Variants in LGI2 observed in about 807,000 individuals in gnomAD.
The protein encoded by LGI2 is leucine-rich repeat LGI family member 2.
Under a neutral mutation model 52.0 loss-of-function variants are expected in LGI2, and 30 were observed. The ratio of observed to expected loss-of-function variants is 0.58; its 90% confidence interval spans 0.43 to 0.78. The LOEUF (loss-of-function observed/expected upper bound fraction) is 0.78, where lower values mean the gene tolerates loss of function less well. Ranked by LOEUF, LGI2 falls within the 30% of genes least tolerant of loss-of-function variation. LGI2 has a pLI of 0.00. For missense variants in LGI2, 573 were observed against 692.5 expected (o/e 0.83, Z 1.94); for synonymous variants, 270 against 271.8 (o/e 0.99, Z 0.06).
intron 4 of LGI2, 145 bp downstream of exon 4, chr4:25,024,675 G>A (rs1461653224): frequency 7.1e-6 from 4 of 562,140 alleles, no homozygotes; most frequent in Non-Finnish European, 1.3e-5. Context: ...ATGAGCCAGT[G>A]TCTGACTGAC....
intron 7 of LGI2, among the ~76,000 whole-genome samples, chr4:25,005,024 A>G (rs540054502): frequency 2.3e-4 from 35 of 152,318 alleles, no homozygotes; most frequent in African/African-American, 8.2e-4. Context: ...AGGCTAAGTG[A>G]AATAGCCAGT....
rs1022952176 is a variant in LGI2 at position 25,017,923 on chromosome 4, C to T, written c.655+66G>A. 8.8e-6 allele frequency: 12 copies of T among 1,363,784 alleles called. No homozygotes were observed. In the African/African-American group the frequency reaches 1.6e-4, roughly 18 times the overall value. The allele number at this position is 1,363,784 out of a possible 1,614,324, so 84.5% of individuals were successfully genotyped here. ...TTCACTTTTCCCCAGTCTCTGTTGA[C>T]AGTGTAAAAGAAAGACAAAGAGATT... On this transcript the variant is annotated intron_variant, in intron 6 of 7. Transcript: ENST00000382114.
At chr4:25,024,447 G>A (rs2109424552) in intron 4 of LGI2, among the ~76,000 whole-genome samples, 1 of 152,306 alleles carries the variant, frequency 6.6e-6, no homozygotes, top group Non-Finnish European at 1.5e-5. Context: ...CCAGGAGGCG[G>A]AGGCTGCAGT....
intron 6 of LGI2, among the ~76,000 whole-genome samples, chr4:25,014,059 A>C (rs1417286821): frequency 6.6e-6 from 1 of 152,210 alleles, no homozygotes; most frequent in African/African-American, 2.4e-5. Flanking sequence ...GCTTTCTTTT[A>C]ATTACAACCA....
chr4:25,014,544 CAGGCAAGAT>C (rs1039986462), intron 6 of LGI2, among the ~76,000 whole-genome samples: 2 of 138,404 alleles, frequency 1.4e-5, no homozygotes, highest in Non-Finnish European at 3.0e-5. Flanking sequence ...AGAACAGGGC[CAGGCAAGAT>C]AGGCAAGATG....
intron 7 of LGI2, among the ~76,000 whole-genome samples, chr4:25,008,086 A>G (rs1042648150): frequency 1.3e-5 from 2 of 152,048 alleles, no homozygotes; most frequent in African/African-American, 4.8e-5. Context: ...TCCTCCCTCC[A>G]TGAAGTGATC....
In LGI2 at chr4:25,003,638, T is replaced by C; in HGVS notation, c.1451A>G (p.Tyr484Cys). Reference protein sequence around the residue: ...DNHYLALGSDYTFSQIYQWDK... With the variant: ...DNHYLALGSDCTFSQIYQWDK... ...CCACTGGTATATCTGAGAGAATGTATAGTCACTCCCCAGGGCCAGGTAGTG... is the reference window on the plus strand; with the variant it reads ...CCACTGGTATATCTGAGAGAATGTACAGTCACTCCCCAGGGCCAGGTAGTG... Residue 484 changes from tyrosine (Y) to cysteine (C), a missense_variant, in exon 8 of 8, where the codon TAT (tyrosine) becomes TGT (cysteine). Coordinates refer to ENST00000382114, the MANE Select transcript of LGI2 (RefSeq NM_018176.4). 1.2e-6 allele frequency: 2 copies of C among 1,614,178 alleles called. No homozygotes were observed. The highest frequency in any genetic ancestry group is 1.1e-5 in the South Asian group (1 of 91,078).
At chr4:25,017,898 T>C in intron 6 of LGI2, 91 bp downstream of exon 6, 1 of 1,146,628 alleles carries the variant, frequency 8.7e-7, no homozygotes, top group Non-Finnish European at 1.2e-6. Context: ...CAGTTCTATA[T>C]TCACTTTTCC....
rs7665497 is a variant in LGI2 at position 24,999,954 on chromosome 4, C to T, written c.*3497G>A. 0.48 allele frequency: 208,769 copies of T among 430,608 alleles called. 52,636 individuals are homozygous for T. Among genetic ancestry groups the T allele is most frequent in the East Asian group, 0.77 (10,118 of 13,128 alleles). 26.7% of individuals were successfully genotyped at this position (430,608 alleles called of 1,614,324 possible). Reference sequence around the variant, plus strand: ...CCAGATGTGTCTCAACCTCAACATCCTCCCCATAGCTATGCAGGGGGAGAA... The same window carrying T: ...CCAGATGTGTCTCAACCTCAACATCTTCCCCATAGCTATGCAGGGGGAGAA... On this transcript the variant is annotated 3_prime_UTR_variant, in exon 8 of 8. Transcript: ENST00000382114.
chr4:25,028,239 A>T (rs1016135788), intron 2 of LGI2, among the ~76,000 whole-genome samples: 1 of 152,198 alleles, frequency 6.6e-6, no homozygotes, highest in Non-Finnish European at 1.5e-5. Flanking sequence ...AGTCAATGCA[A>T]TTACCTCCCC....
chr4:25,007,318 A>G (rs1236484565), intron 7 of LGI2, among the ~76,000 whole-genome samples: 2 of 152,196 alleles, frequency 1.3e-5, no homozygotes, highest in African/African-American at 4.8e-5. Flanking sequence ...TGTTGTGCAC[A>G]TTTTTAAGCT....
intron 7 of LGI2, among the ~76,000 whole-genome samples, chr4:25,011,258 C>T (rs1725575500): frequency 6.6e-6 from 1 of 152,126 alleles, no homozygotes; most frequent in African/African-American, 2.4e-5. Context: ...GGACTCACTT[C>T]CTCATCTCCC....
At position 25,012,465 on chromosome 4, in the gene LGI2, C is replaced by T. The variant is rs146993877; in HGVS notation, c.690G>A (p.Ser230=). Reference sequence around the variant, plus strand: ...TGGAGTTGAACGTATCCACTGAAACCGACTGGTAGGGTAAAGTCTGATGAA... The same window carrying T: ...TGGAGTTGAACGTATCCACTGAAACTGACTGGTAGGGTAAAGTCTGATGAA... ...FVVHQTLPYQ[S]VSVDTFNSKN... The change falls in exon 7 of 8, where the codon TCG becomes TCA. Residue 230 remains serine (S), a synonymous_variant. Coordinates refer to ENST00000382114, the MANE Select transcript of LGI2 (RefSeq NM_018176.4). 474 of 1,614,052 alleles carry T rather than the reference C, an allele frequency of 2.9e-4. No homozygotes were observed. Among genetic ancestry groups the T allele is most frequent in the Non-Finnish European group, 3.6e-4 (423 of 1,180,046 alleles).
intron 6 of LGI2, among the ~76,000 whole-genome samples, chr4:25,015,661 C>T (rs1428333998): frequency 1.3e-5 from 2 of 152,202 alleles, no homozygotes; most frequent in African/African-American, 2.4e-5. Flanking sequence ...CATGAACTCT[C>T]GACCTTTGGC....
At position 25,028,538 on chromosome 4, in the gene LGI2, T is replaced by C. The variant is rs569350355; in HGVS notation, c.238A>G (p.Met80Val). Residue 80 changes from methionine (M) to valine (V), a missense_variant, in exon 2 of 8, where the codon ATG becomes GTG. Met to Val is a conservative substitution (Grantham distance 21, BLOSUM62 1). Transcript: ENST00000382114. ...NGTFSEIKDR[M>V]FSHLPSLQLL... The stretch of plus-strand genomic sequence containing the variant: ...TGCAGAGAAGGCAGATGGGAAAACA[T>C]TCGGTCCTTGATTTCTGAAAACGTC... The C allele has an allele frequency of 2.5e-5, 40 of 1,613,544 alleles. No homozygotes were observed. In the South Asian group the frequency reaches 3.4e-4, roughly 14 times the overall value.
chr4:25,014,490 A>T (rs1413561967), intron 6 of LGI2, among the ~76,000 whole-genome samples: 1 of 141,988 alleles, frequency 7.0e-6, no homozygotes, highest in Non-Finnish European at 1.5e-5. Context: ...CCGCCAAAAA[A>T]AAGGAAGGAG....
intron 4 of LGI2, among the ~76,000 whole-genome samples, chr4:25,022,148 C>G (rs182153319): frequency 1.3e-5 from 2 of 152,090 alleles, no homozygotes; most frequent in African/African-American, 4.8e-5. Flanking sequence ...GGAGATAAAA[C>G]GAACACCCAG....
At chr4:24,995,429 G>T (rs1289882968), downstream of LGI2, among the ~76,000 whole-genome samples, 1 of 152,238 alleles carries the variant, frequency 6.6e-6, no homozygotes. Flanking sequence ...GGAAGTTGCA[G>T]TCAAGACATT....
intron 1 of LGI2, 61 bp downstream of exon 1, chr4:25,030,436 C>G: frequency 6.5e-7 from 1 of 1,528,736 alleles, no homozygotes; most frequent in Non-Finnish European, 8.8e-7. Flanking sequence ...AGGCAACTCC[C>G]TCGCGGCGGC....
Sources: gnomAD v4.1 joint callset for allele counts (sites outside exome capture counted in the v4.1 genomes callset) on GRCh38, gnomAD v4.1.1 for gene constraint, MANE v1.5 for transcripts, NCBI Gene and HGNC (gene_info 2026-07-23, HGNC 2026-07-21) for gene names.